Variants in CDK14 observed in about 807,000 individuals in gnomAD.
CDK14 encodes the protein cyclin-dependent kinase 14.
CDK14 carries 34 observed loss-of-function variants against 60.7 expected under a neutral mutation model. That is an observed-to-expected ratio of 0.56 (90% CI 0.43 to 0.75). The LOEUF (loss-of-function observed/expected upper bound fraction) is 0.75. CDK14 is among the 30% of genes least tolerant of loss of function. The pLI is 0.00. For missense variants in CDK14, 482 were observed against 564.1 expected (o/e 0.85, Z 1.47); for synonymous variants, 197 against 203.7 (o/e 0.97, Z 0.28).
intron 4 of CDK14, among the ~76,000 whole-genome samples, chr7:90,782,737 A>G (rs1237618082): frequency 6.6e-6 from 1 of 152,186 alleles, no homozygotes; most frequent in Non-Finnish European, 1.5e-5. Context: ...TGTCTTATAG[A>G]GGAAGACCTA....
chr7:90,820,912 T>C (rs1009021629), intron 5 of CDK14, among the ~76,000 whole-genome samples: 6 of 152,352 alleles, frequency 3.9e-5, no homozygotes, highest in East Asian at 3.9e-4. Flanking sequence ...CTGAAAGATA[T>C]CAGTTTCTCA....
chr7:90,823,377 C>A (rs17163263), intron 5 of CDK14, among the ~76,000 whole-genome samples: 1 of 151,950 alleles, frequency 6.6e-6, no homozygotes, highest in Non-Finnish European at 1.5e-5. Flanking sequence ...AAATAATTTC[C>A]CATTGAATCT....
intron 14 of CDK14, among the ~76,000 whole-genome samples, chr7:91,155,200 GC>G (rs1273011587): frequency 6.6e-6 from 1 of 152,172 alleles, no homozygotes; most frequent in Non-Finnish European, 1.5e-5. Context: ...AGACCAGCTA[GC>G]CAAGGATCTG....
intron 13 of CDK14, among the ~76,000 whole-genome samples, chr7:91,117,072 C>G (rs1057085107): frequency 6.8e-6 from 1 of 146,372 alleles, no homozygotes; most frequent in Non-Finnish European, 1.5e-5. Context: ...CTCAACATTT[C>G]CATTTGACCA....
At chr7:91,048,848 G>C (rs1287797822) in intron 11 of CDK14, among the ~76,000 whole-genome samples, 1 of 151,758 alleles carries the variant, frequency 6.6e-6, no homozygotes, top group Non-Finnish European at 1.5e-5. Context: ...GTTGAGTTGT[G>C]TTTTTTTAAA....
At chr7:90,817,130 G>A (rs1335708256) in intron 5 of CDK14, among the ~76,000 whole-genome samples, 3 of 152,120 alleles carry the variant, frequency 2.0e-5, no homozygotes, top group African/African-American at 7.2e-5. Context: ...CTCTTCAAAA[G>A]ACTATCAAAT....
chr7:90,852,897 C>T (rs1466358166), intron 5 of CDK14, among the ~76,000 whole-genome samples: 1 of 152,166 alleles, frequency 6.6e-6, no homozygotes, highest in Admixed American at 6.5e-5. Context: ...GTAACACAGG[C>T]TCTGGGACTG....
chr7:90,608,580 G>A lies in CDK14; in HGVS notation c.123+4331G>A, dbSNP rs952940055. ...TTGGCTCTGCCTGGCTCTTTGGTGAGAAATACAAAATTTTTAGCAATTAGA... is the reference window on the plus strand; with the variant it reads ...TTGGCTCTGCCTGGCTCTTTGGTGAAAAATACAAAATTTTTAGCAATTAGA... On this transcript the variant is annotated intron_variant, in intron 2 of 14. Coordinates refer to ENST00000380050, the MANE Select transcript of CDK14 (RefSeq NM_001287135.2). 1.9e-5 allele frequency: 19 copies of A among 981,760 alleles called. No homozygotes were observed. The African/African-American group carries it at 2.8e-4, about 14-fold the overall frequency. 60.8% of individuals were successfully genotyped at this position (981,760 alleles called of 1,614,324 possible).
At chr7:90,763,090 T>G (rs193167049) in intron 4 of CDK14, among the ~76,000 whole-genome samples, 1 of 152,298 alleles carries the variant, frequency 6.6e-6, no homozygotes. Flanking sequence ...GATAAAGAGC[T>G]TAGTTCTCCA....
At chr7:90,896,223 A>T (rs1449269274) in intron 6 of CDK14, among the ~76,000 whole-genome samples, 1 of 152,028 alleles carries the variant, frequency 6.6e-6, no homozygotes, top group Non-Finnish European at 1.5e-5. Context: ...AATGTAGTAT[A>T]TTTATTATCA....
intron 2 of CDK14, among the ~76,000 whole-genome samples, chr7:90,653,834 C>G (rs1160416575): frequency 1.3e-5 from 2 of 152,280 alleles, no homozygotes; most frequent in Middle Eastern, 3.4e-3. Flanking sequence ...CACCTGATGA[C>G]AGGCCCCAGT....
intron 4 of CDK14, among the ~76,000 whole-genome samples, chr7:90,772,332 G>T (rs1804817239): frequency 6.6e-6 from 1 of 152,178 alleles, no homozygotes; most frequent in Non-Finnish European, 1.5e-5. Flanking sequence ...CATTATGAAA[G>T]AAATAAGTGT....
chr7:90,981,470 G>A (rs969165797), intron 9 of CDK14, among the ~76,000 whole-genome samples: 2 of 152,108 alleles, frequency 1.3e-5, no homozygotes, highest in Non-Finnish European at 2.9e-5. Context: ...TATACTATTG[G>A]TGTTTACTTT....
rs1296554190 is a variant in CDK14 at position 90,954,918 on chromosome 7, C to T, written c.827-779C>T. On this transcript the variant is annotated intron_variant, in intron 8 of 14. Transcript: ENST00000380050. ...GGGATTACAGGCGTGAGCCACCGCG[C>T]CCGGCCCTTTTTTTTTTTTAGAGGG... 1.6e-5 allele frequency among the ~76,000 whole-genome samples: 2 copies of T among 121,750 alleles called. 1 individual carries two copies. The highest frequency in any genetic ancestry group is 5.8e-5 in the African/African-American group (2 of 34,540). The allele number at this position is 121,750 out of a possible 152,430, so 79.9% of individuals were successfully genotyped here. A position where few individuals can be genotyped will look rare whatever the true frequency, so the allele number is the denominator to read the frequency against.
chr7:91,146,745 G>A (rs1800650571), intron 14 of CDK14, among the ~76,000 whole-genome samples: 1 of 152,130 alleles, frequency 6.6e-6, no homozygotes, highest in South Asian at 2.1e-4. Context: ...CAGTGAGTAT[G>A]ATGATACCCC....
At chr7:91,066,894 AGAG>A (rs1486253068) in intron 11 of CDK14, among the ~76,000 whole-genome samples, 1 of 152,210 alleles carries the variant, frequency 6.6e-6, no homozygotes, top group Non-Finnish European at 1.5e-5. Flanking sequence ...CCCTGCACTA[AGAG>A]GAGAAGGTGA....
intron 5 of CDK14, among the ~76,000 whole-genome samples, chr7:90,798,554 C>T (rs919156736): frequency 6.6e-5 from 10 of 152,152 alleles, no homozygotes; most frequent in Admixed American, 1.3e-4. Flanking sequence ...ATCAATTTCT[C>T]ATTTACAAAA....
chr7:90,601,932 A>T (rs77510369), intron 1 of CDK14, among the ~76,000 whole-genome samples: 86 of 147,874 alleles, frequency 5.8e-4, no homozygotes, highest in Non-Finnish European at 1.1e-3. Flanking sequence ...TTATGTATGT[A>T]TGTATGTATG....
At position 90,878,072 on chromosome 7, in the gene CDK14, CTG is replaced by C. The variant is rs142735469; in HGVS notation, c.639+14824_639+14825del. ...TAGATGCATTGGACACATTGTGTGG[CTG>C]TGTGTGTGTGTGTGTGTGTGAGAGA... On this transcript the variant is annotated intron_variant, in intron 6 of 14. Transcript: ENST00000380050. Among the ~76,000 whole-genome samples, 43 of 147,620 alleles carry C rather than the reference CTG, an allele frequency of 2.9e-4. 1 individual carries two copies. In the East Asian group the frequency reaches 3.2e-3, roughly 11 times the overall value.
Sources: gnomAD v4.1 joint callset for allele counts (sites outside exome capture counted in the v4.1 genomes callset) on GRCh38, gnomAD v4.1.1 for gene constraint, MANE v1.5 for transcripts, NCBI Gene and HGNC (gene_info 2026-07-23, HGNC 2026-07-21) for gene names.